Variants in TBL1X observed in about 807,000 individuals in gnomAD.
The protein encoded by TBL1X is F-box-like/WD repeat-containing protein TBL1X.
Under a neutral mutation model 50.7 loss-of-function variants are expected in TBL1X, and 10 were observed. The observed-to-expected ratio is 0.20, with a 90% CI of 0.12 to 0.33. The LOEUF is 0.33. Among genes scored for constraint, TBL1X ranks in the 10% least tolerant of loss-of-function variants. TBL1X has a pLI of 1.00. For synonymous variants in TBL1X, 190 were observed against 214.7 expected, an observed-to-expected ratio of 0.88 and a Z score of 1.01; for missense variants, 340 against 504.4, an observed-to-expected ratio of 0.67 and a Z score of 3.12.
chrX:9,592,018 T>C (rs1464679424), intron 2 of TBL1X, among the ~76,000 whole-genome samples: 1 of 112,599 alleles, frequency 8.9e-6, no homozygotes, highest in Non-Finnish European at 1.9e-5. Context: ...CAGTGTTCCA[T>C]GTGACAAAGG....
chrX:9,582,926 C>G (rs2082449819), intron 2 of TBL1X, among the ~76,000 whole-genome samples: 1 of 112,552 alleles, frequency 8.9e-6, no homozygotes, highest in Non-Finnish European at 1.9e-5. Flanking sequence ...TCACTGTTTT[C>G]TCTTTAGAGT....
At chrX:9,483,308 C>T (rs567682017) in intron 1 of TBL1X, among the ~76,000 whole-genome samples, 4 of 112,557 alleles carry the variant, frequency 3.6e-5, no homozygotes, top group Middle Eastern at 4.6e-3. Context: ...AGTTTTCATA[C>T]ATTCCATGGA....
intron 3 of TBL1X, among the ~76,000 whole-genome samples, chrX:9,652,186 C>G (rs1045809040): frequency 1.8e-5 from 2 of 112,155 alleles, no homozygotes; most frequent in Non-Finnish European, 3.8e-5. Context: ...CTGGACAGAT[C>G]ATGCAATGTG....
chrX:9,638,463 A>G (rs926046661), intron 2 of TBL1X, among the ~76,000 whole-genome samples: 1 of 112,183 alleles, frequency 8.9e-6, no homozygotes, highest in Non-Finnish European at 1.9e-5. Context: ...TATTTTTGAC[A>G]TGTTTCATAA....
At chrX:9,602,790 C>G (rs59870645) in intron 2 of TBL1X, among the ~76,000 whole-genome samples, 4,858 of 112,022 alleles carry the variant, frequency 0.043, 87 homozygotes, top group Middle Eastern at 0.078. Flanking sequence ...AATAATGAGT[C>G]TGAGTTTTCT....
At chrX:9,537,282 C>T (rs781693664) in intron 2 of TBL1X, among the ~76,000 whole-genome samples, 18 of 110,795 alleles carry the variant, frequency 1.6e-4, no homozygotes, top group African/African-American at 5.6e-4. Flanking sequence ...GATAGGTTTC[C>T]TCTCTCTACT....
chrX:9,606,330 T>A (rs938522554), intron 2 of TBL1X, among the ~76,000 whole-genome samples: 1 of 111,843 alleles, frequency 8.9e-6, no homozygotes, highest in African/African-American at 3.3e-5. Context: ...AGAGAATAAC[T>A]CCTTTTGAGT....
intron 12 of TBL1X, among the ~76,000 whole-genome samples, chrX:9,704,338 TAAATC>T (rs1428586632): frequency 8.9e-6 from 1 of 111,889 alleles, no homozygotes; most frequent in African/African-American, 3.3e-5. Flanking sequence ...TGTCCAAAAT[TAAATC>T]AAATGAGCTC....
intron 5 of TBL1X, among the ~76,000 whole-genome samples, chrX:9,666,835 T>G (rs1316840362): frequency 8.9e-6 from 1 of 112,008 alleles, no homozygotes; most frequent in Non-Finnish European, 1.9e-5. Context: ...TACTGAGAAT[T>G]AACATTGTAA....
intron 2 of TBL1X, among the ~76,000 whole-genome samples, chrX:9,603,540 G>A (rs1601788122): frequency 8.9e-6 from 1 of 111,759 alleles, no homozygotes; most frequent in Non-Finnish European, 1.9e-5. Context: ...GAGGCACGCC[G>A]GACCCGGGCT....
In TBL1X at chrX:9,719,541, A is replaced by G. The variant is rs1437786306; in HGVS notation, c.*3295A>G. The G allele has an allele frequency of 9.0e-6, 1 of 111,068 alleles. No homozygotes were observed. Among genetic ancestry groups the G allele is most frequent in the East Asian group, 2.8e-4 (1 of 3,547 alleles). The allele number at this position is 111,068 out of a possible 1,213,427, so 9.2% of individuals were successfully genotyped here. A position where few individuals can be genotyped will look rare whatever the true frequency, so the allele number is the denominator to read the frequency against. On this transcript the variant is annotated 3_prime_UTR_variant, in exon 18 of 18. Coordinates refer to ENST00000645353, the MANE Select transcript of TBL1X (RefSeq NM_005647.4). ...GTCTGTGTCAGACGTACAGCCAGACATGTTCTCTATTGGCATTTTTCCGAT... is the reference window on the plus strand; with the variant it reads ...GTCTGTGTCAGACGTACAGCCAGACGTGTTCTCTATTGGCATTTTTCCGAT...
intron 2 of TBL1X, among the ~76,000 whole-genome samples, chrX:9,586,972 G>T (rs776053098): frequency 3.6e-5 from 4 of 112,385 alleles, no homozygotes; most frequent in African/African-American, 1.3e-4. Context: ...TGACTGCAGA[G>T]CCTGGCTGGC....
At chrX:9,680,742 A>G (rs2083020550) in intron 5 of TBL1X, among the ~76,000 whole-genome samples, 1 of 111,977 alleles carries the variant, frequency 8.9e-6, no homozygotes, top group Non-Finnish European at 1.9e-5. Flanking sequence ...TAACCATGGC[A>G]TGGAATGCAC....
At chrX:9,503,592 G>C (rs1231811446) in intron 2 of TBL1X, among the ~76,000 whole-genome samples, 1 of 113,330 alleles carries the variant, frequency 8.8e-6, no homozygotes. Context: ...CCCTGCTAGA[G>C]CCAGGGAGGC....
intron 2 of TBL1X, among the ~76,000 whole-genome samples, chrX:9,634,759 C>T (rs926542856): frequency 9.9e-5 from 11 of 111,607 alleles, no homozygotes; most frequent in African/African-American, 3.3e-4. Flanking sequence ...GCCTGAGAAA[C>T]GGCACTCTGA....
chrX:9,491,338 A>ATATATATAT (rs1328551249), intron 1 of TBL1X, among the ~76,000 whole-genome samples: 6 of 31,304 alleles, frequency 1.9e-4, no homozygotes, highest in African/African-American at 4.7e-4. Context: ...ATATATATAT[A>ATATATATAT]TTTTTTTTTT....
At chrX:9,712,160 C>G (rs931550454) in intron 16 of TBL1X, among the ~76,000 whole-genome samples, 2 of 112,562 alleles carry the variant, frequency 1.8e-5, no homozygotes, top group Non-Finnish European at 3.8e-5. Context: ...CGAAGTGCTG[C>G]TCTCTAGATA....
intron 5 of TBL1X, among the ~76,000 whole-genome samples, chrX:9,654,531 T>C (rs2082854972): frequency 8.9e-6 from 1 of 111,967 alleles, no homozygotes; most frequent in African/African-American, 3.2e-5. Context: ...TTGACACTTC[T>C]GTGCAGATGA....
intron 2 of TBL1X, among the ~76,000 whole-genome samples, chrX:9,586,527 G>T (rs5979127): frequency 0.47 from 51,711 of 110,377 alleles, 9,814 homozygotes; most frequent in African/African-American, 0.72. Flanking sequence ...GCATAGAGTT[G>T]GAGTTTTGCA....
Sources: allele counts gnomAD v4.1 joint callset (sites outside exome capture counted in the v4.1 genomes callset), GRCh38; gene constraint gnomAD v4.1.1; transcripts MANE v1.5; gene names NCBI Gene and HGNC (gene_info 2026-07-23, HGNC 2026-07-21).